The following CA12 variants were observed in gnomAD, a reference collection of about 807,000 sequenced individuals.
The protein encoded by CA12 is carbonic anhydrase 12.
A neutral mutation model predicts 46.8 loss-of-function variants in CA12; 36 were observed. The ratio of observed to expected loss-of-function variants is 0.77; its 90% CI spans 0.59 to 1.02. The LOEUF is 1.02. Among genes scored for constraint, CA12 ranks in the 50% least tolerant of loss-of-function variants. The pLI, the probability that CA12 is intolerant of heterozygous loss-of-function variation, is 0.00. For missense variants in CA12, 436 were observed against 451.4 expected, an observed-to-expected ratio of 0.97 and a Z score of 0.31; for synonymous variants, 202 against 187.0, an observed-to-expected ratio of 1.08 and a Z score of -0.65.
rs774177946 is a variant in CA12 at position 63,339,139 on chromosome 15, G to A, written c.748-194C>T. ...CCTCCACAGTGGGTGAGTGGGAGCT[G>A]GGCAGCGCTGGGTTTATCTTCCCAG... On this transcript the variant is annotated intron_variant, in intron 7 of 10. Transcript: ENST00000178638. This position sits in a 1 kb window ranked among gnomAD's most constrained non-coding sequence, Gnocchi z 4.3. 1.3e-5 allele frequency among the ~76,000 whole-genome samples: 2 copies of A among 152,124 alleles called. No homozygotes were observed. Among genetic ancestry groups the A allele is most frequent in the Non-Finnish European group, 1.5e-5 (1 of 68,024 alleles).
At chr15:63,381,292 T>C (rs918791729) in intron 1 of CA12, among the ~76,000 whole-genome samples, 25 of 152,230 alleles carry the variant, frequency 1.6e-4, no homozygotes, top group African/African-American at 6.0e-4. Flanking sequence ...GTCATGTCTC[T>C]ACTTTCTAAA....
In CA12 at chr15:63,346,725, C is replaced by T. The variant is rs1204485026; in HGVS notation, c.107-16G>A. The stretch of plus-strand genomic sequence containing the variant: ...CCATCAGGACCTGGACACAGAGATC[C>T]ATGCTCAAGATTTAGAGTTTCTCAC... On this transcript the variant is annotated splice_polypyrimidine_tract_variant and intron_variant, in intron 2 of 10. Coordinates refer to ENST00000178638, the MANE Select transcript of CA12 (RefSeq NM_001218.5). The T allele has an allele frequency of 5.6e-6, 9 of 1,613,738 alleles. No individual in the cohort carries two copies. The highest frequency in any genetic ancestry group is 2.2e-5 in the East Asian group (1 of 44,892).
At chr15:63,353,666 C>T (rs1484144018) in intron 2 of CA12, among the ~76,000 whole-genome samples, 3 of 152,160 alleles carry the variant, frequency 2.0e-5, no homozygotes, top group Non-Finnish European at 4.4e-5. Flanking sequence ...CATGTCCCCT[C>T]TAAATCCATC....
At position 63,345,169 on chromosome 15, in the gene CA12, A is replaced by G. The variant is rs983622805; in HGVS notation, c.429+308T>C. Among the ~76,000 whole-genome samples the G allele has an allele frequency of 6.6e-6, 1 of 152,202 alleles. No homozygotes were observed. The highest frequency in any genetic ancestry group is 1.5e-5 in the Non-Finnish European group (1 of 68,034). On this transcript the variant is annotated intron_variant, in intron 4 of 10. Transcript: ENST00000178638. This position sits in a 1 kb window ranked among gnomAD's most constrained non-coding sequence, Gnocchi z 4.3. ...TTTTATCTGCACAGATAGGAAGGCAATGTCTAAAAGAAGGGCATGTATGTC... is the reference window on the plus strand; with the variant it reads ...TTTTATCTGCACAGATAGGAAGGCAGTGTCTAAAAGAAGGGCATGTATGTC...
chr15:63,354,962 A>G (rs1293643511), intron 2 of CA12, among the ~76,000 whole-genome samples: 1 of 152,192 alleles, frequency 6.6e-6, no homozygotes, highest in African/African-American at 2.4e-5. Flanking sequence ...CAAGGCCTGC[A>G]TCAGGTTCCT....
Position 63,347,145 on chromosome 15 carries a change from G to A in CA12, c.107-436C>T, listed in dbSNP as rs1359549571. Among the ~76,000 whole-genome samples, 3 of 152,230 alleles carry A rather than the reference G, an allele frequency of 2.0e-5. No homozygotes were observed. In the East Asian group the frequency reaches 5.8e-4, roughly 29 times the overall value. On this transcript the variant is annotated intron_variant, in intron 2 of 10. Coordinates refer to ENST00000178638, the MANE Select transcript of CA12 (RefSeq NM_001218.5). ...TGGCATTCTAGCGGGGAAGAATTTA[G>A]CAAATCTGCGGGGCCACCCCAGGTG...
intron 2 of CA12, among the ~76,000 whole-genome samples, chr15:63,349,091 C>G (rs1229564666): frequency 6.6e-6 from 1 of 152,086 alleles, no homozygotes; most frequent in Non-Finnish European, 1.5e-5. Context: ...TCAGCTGTCC[C>G]AACACTTCAG....
At position 63,355,655 on chromosome 15, in the gene CA12, TA is replaced by T. The variant is rs2039285726; in HGVS notation, c.107-8947del. 6.6e-6 allele frequency among the ~76,000 whole-genome samples: 1 copy of T among 152,230 alleles called. No homozygotes were observed. The highest frequency in any genetic ancestry group is 6.5e-5 in the Admixed American group (1 of 15,286). On this transcript the variant is annotated intron_variant, in intron 2 of 10. Coordinates refer to ENST00000178638, the MANE Select transcript of CA12 (RefSeq NM_001218.5). This position sits in a 1 kb window ranked among gnomAD's most constrained non-coding sequence, Gnocchi z 4.1. ...AGTGTTCAACAAACAGCTCTTGAAC[TA>T]AGCAACAAACAACAGCAAACCACTA...
rs764924835 is a variant in CA12, at chr15:63,329,994, G to A, written c.875-1864C>T. On this transcript the variant is annotated intron_variant, in intron 8 of 10. Transcript: ENST00000178638. The surrounding 1 kb of genome is among the most constrained non-coding windows in gnomAD (Gnocchi z 4.8). Reference sequence around the variant, plus strand: ...TGGTCTGGCTTCCCCAGGTGGCACCGGGCTGCTGTGAGGGTTAGCAGAGCA... The same window carrying A: ...TGGTCTGGCTTCCCCAGGTGGCACCAGGCTGCTGTGAGGGTTAGCAGAGCA... Among the ~76,000 whole-genome samples the A allele has an allele frequency of 5.0e-4, 76 of 152,162 alleles. No individual in the cohort carries two copies. The highest frequency in any genetic ancestry group is 5.6e-4 in the African/African-American group (23 of 41,436).
At position 63,380,582 on chromosome 15, in the gene CA12, G is replaced by A. The variant is rs138635641; in HGVS notation, c.85+1054C>T. Among the ~76,000 whole-genome samples the A allele has an allele frequency of 5.9e-4, 90 of 152,180 alleles. No individual in the cohort carries two copies. In the East Asian group the frequency reaches 0.016, roughly 26 times the overall value. ...CCTTTCTCCCAACTTCTGTTACATC[G>A]CTTCTGTTTCTCCCTGACCAGATGA... On this transcript the variant is annotated intron_variant, in intron 1 of 10. Transcript: ENST00000178638.
chr15:63,367,581 C>A (rs371733526), intron 2 of CA12, among the ~76,000 whole-genome samples: 34 of 152,334 alleles, frequency 2.2e-4, no homozygotes, highest in East Asian at 1.2e-3. Flanking sequence ...GTGCCACTTG[C>A]CCTGAATCTG....
At chr15:63,379,278 A>C (rs1217450605) in intron 1 of CA12, among the ~76,000 whole-genome samples, 1 of 152,068 alleles carries the variant, frequency 6.6e-6, no homozygotes, top group Non-Finnish European at 1.5e-5. Context: ...GCGGCGTTGT[A>C]AGTGAGGATG....
Position 63,324,367 on chromosome 15 carries a change from C to T in CA12, c.*1918G>A, listed in dbSNP as rs1439906444. 6.6e-6 allele frequency: 1 copy of T among 152,212 alleles called. No individual in the cohort carries two copies. Among genetic ancestry groups the T allele is most frequent in the Non-Finnish European group, 1.5e-5 (1 of 68,048 alleles). The allele number at this position is 152,212 out of a possible 1,614,324, so 9.4% of individuals were successfully genotyped here. Reference sequence around the variant, plus strand: ...TACAGAGTCTTTTGACAGACAGTCCCACTGCTCTGGAGTCCTTTATGTTCA... The same window carrying T: ...TACAGAGTCTTTTGACAGACAGTCCTACTGCTCTGGAGTCCTTTATGTTCA... On this transcript the variant is annotated 3_prime_UTR_variant, in exon 11 of 11. Transcript: ENST00000178638.
chr15:63,381,603 G>A, intron 1 of CA12, 33 bp downstream of exon 1: 1 of 1,578,348 alleles, frequency 6.3e-7, no homozygotes, highest in South Asian at 1.1e-5. Flanking sequence ...GAGCGCTCAG[G>A]AGTGTTAGGA....
intron 2 of CA12, among the ~76,000 whole-genome samples, chr15:63,353,505 C>A (rs1276716812): frequency 6.6e-6 from 1 of 152,176 alleles, no homozygotes; most frequent in Non-Finnish European, 1.5e-5. Context: ...TTGACACCTG[C>A]TTGTGTACAT....
At position 63,331,974 on chromosome 15, in the gene CA12, A is replaced by G. The variant is rs1224601024; in HGVS notation, c.875-3844T>C. 6.6e-6 allele frequency among the ~76,000 whole-genome samples: 1 copy of G among 152,182 alleles called. No homozygotes were observed. Among genetic ancestry groups the G allele is most frequent in the African/African-American group, 2.4e-5 (1 of 41,434 alleles). ...TATTTACGATTCTGTTTGACTGTGG[A>G]CTATAATCCTTTTCAAGTATTATTT... On this transcript the variant is annotated intron_variant, in intron 8 of 10. Coordinates refer to ENST00000178638, the MANE Select transcript of CA12 (RefSeq NM_001218.5). This position sits in a 1 kb window ranked among gnomAD's most constrained non-coding sequence, Gnocchi z 5.3.
In CA12 at chr15:63,333,393, A is replaced by G. The variant is rs548344085; in HGVS notation, c.875-5263T>C. On this transcript the variant is annotated intron_variant, in intron 8 of 10. Coordinates refer to ENST00000178638, the MANE Select transcript of CA12 (RefSeq NM_001218.5). ...CCCACCATGGGGTTTTCTGTCCCCC[A>G]TAGCGCATAACTCGGACTGTGCTCG... Among the ~76,000 whole-genome samples the G allele has an allele frequency of 3.3e-5, 5 of 152,330 alleles. No individual in the cohort carries two copies. The East Asian group carries it at 5.8e-4, about 18-fold the overall frequency.
Position 63,348,744 on chromosome 15 carries a change from G to C in CA12, c.107-2035C>G, listed in dbSNP as rs899691347. The stretch of plus-strand genomic sequence containing the variant: ...GGTTTCATCAAGAGGGCATTTTACT[G>C]ATAGCTAAACGAGAGCCTCGTGAAG... On this transcript the variant is annotated intron_variant, in intron 2 of 10. Coordinates refer to ENST00000178638, the MANE Select transcript of CA12 (RefSeq NM_001218.5). The surrounding 1 kb of genome is among the most constrained non-coding windows in gnomAD (Gnocchi z 4.6). Among the ~76,000 whole-genome samples the C allele has an allele frequency of 6.6e-6, 1 of 152,220 alleles. No homozygotes were observed. The highest frequency in any genetic ancestry group is 2.4e-5 in the African/African-American group (1 of 41,456).
At chr15:63,343,249 C>T (rs1393751625) in intron 4 of CA12, among the ~76,000 whole-genome samples, 11 of 145,794 alleles carry the variant, frequency 7.5e-5, no homozygotes, top group Non-Finnish European at 1.5e-4. Context: ...TAAAGGAGCT[C>T]CCTGTTGAGG....
Sources: allele counts gnomAD v4.1 joint callset (sites outside exome capture counted in the v4.1 genomes callset), GRCh38; gene constraint gnomAD v4.1.1; non-coding constraint Gnocchi (gnomAD v3.1); transcripts MANE v1.5; gene names NCBI Gene and HGNC (gene_info 2026-07-23, HGNC 2026-07-21).